The following SS18 variants were observed in gnomAD, a reference collection of about 807,000 sequenced individuals.
The protein encoded by SS18 is protein SSXT.
A neutral mutation model predicts 72.5 loss-of-function variants in SS18; 28 were observed. The observed-to-expected ratio is 0.39, with a 90% CI of 0.29 to 0.53. The LOEUF (loss-of-function observed/expected upper bound fraction) is 0.53, where lower values mean the gene tolerates loss of function less well. Ranked by LOEUF, SS18 falls within the 20% of genes least tolerant of loss-of-function variation. SS18 has a pLI of 0.76. For missense variants in SS18, 518 were observed against 535.3 expected, an observed-to-expected ratio of 0.97 and a Z score of 0.32; for synonymous variants, 172 against 164.2, an observed-to-expected ratio of 1.05 and a Z score of -0.37.
At chr18:26,031,027 T>A (rs188223106) in intron 10 of SS18, among the ~76,000 whole-genome samples, 7 of 152,242 alleles carry the variant, frequency 4.6e-5, no homozygotes, top group Admixed American at 3.9e-4. Flanking sequence ...TACTGCAGTA[T>A]CAAACACATG....
chr18:26,018,008 A>C lies in SS18; in HGVS notation c.*346T>G. 2 of 249,868 alleles carry C rather than the reference A, an allele frequency of 8.0e-6. No individual in the cohort carries two copies. 15.5% of individuals were successfully genotyped at this position (249,868 alleles called of 1,614,324 possible). On this transcript the variant is annotated 3_prime_UTR_variant, in exon 11 of 11. Coordinates refer to ENST00000415083, the MANE Select transcript of SS18 (RefSeq NM_001007559.3). ...CAAAAAAATCTGTGGAAAAGTATTA[A>C]ATTCCCTTACCCTTCATAAACATAC...
intron 4 of SS18, among the ~76,000 whole-genome samples, chr18:26,054,959 G>T (rs868432248): frequency 3.0e-4 from 46 of 151,968 alleles, no homozygotes; most frequent in Middle Eastern, 3.4e-3. Flanking sequence ...GGCTGGTCTT[G>T]AACTCCTGAC....
chr18:26,083,844 T>C (rs928369633), intron 2 of SS18, among the ~76,000 whole-genome samples: 10 of 152,236 alleles, frequency 6.6e-5, no homozygotes, highest in African/African-American at 2.4e-4. Flanking sequence ...ACCAAAGAAG[T>C]AGATCAGCTA....
chr18:26,047,820 GAGTGA>G (rs200325603), intron 5 of SS18, among the ~76,000 whole-genome samples: 37,130 of 151,974 alleles, frequency 0.24, 7,748 homozygotes, highest in African/African-American at 0.56. Flanking sequence ...TCCAGCCTCA[GAGTGA>G]GGCGACAGAG....
intron 3 of SS18, among the ~76,000 whole-genome samples, chr18:26,062,844 C>T (rs891639948): frequency 1.1e-4 from 17 of 152,110 alleles, no homozygotes; most frequent in African/African-American, 3.9e-4. Context: ...AATGTGTATA[C>T]ATCTCACAAC....
chr18:26,052,995 A>G (rs2053950011), intron 4 of SS18, 150 bp from the exon 5 acceptor site: 2 of 650,112 alleles, frequency 3.1e-6, no homozygotes, highest in African/African-American at 1.8e-5. Context: ...AGGAAAAGAC[A>G]GCAAATACTG....
intron 2 of SS18, among the ~76,000 whole-genome samples, chr18:26,081,016 A>G (rs1344711578): frequency 6.7e-6 from 1 of 150,224 alleles, no homozygotes. Context: ...TTTCCCTCGT[A>G]TAAGGAGGTA....
chr18:26,057,623 C>G lies in SS18; in HGVS notation c.351G>C (p.Pro117=). 6.2e-7 allele frequency: 1 copy of G among 1,613,962 alleles called. No homozygotes were observed. The highest frequency in any genetic ancestry group is 8.5e-7 in the Non-Finnish European group (1 of 1,179,966). Residue 117 remains proline, a synonymous_variant, in exon 4 of 11, where the codon CCG becomes CCC. Transcript: ENST00000415083. ...GGCCGTTCATCTGGTTCTGCATGTG[C>G]GGTGCAGGAGGACCCCCACCTACCA... ...DGMVGGGPPA[P]HMQNQMNGQM... is the part of the protein sequence containing the mutation.
intron 2 of SS18, among the ~76,000 whole-genome samples, chr18:26,079,880 C>T (rs1471719217): frequency 6.6e-6 from 1 of 151,980 alleles, no homozygotes; most frequent in African/African-American, 2.4e-5. Context: ...TGTACCCAGC[C>T]GAATCCTAGC....
intron 7 of SS18, among the ~76,000 whole-genome samples, chr18:26,036,868 T>G (rs1002085861): frequency 1.3e-5 from 2 of 152,104 alleles, no homozygotes; most frequent in African/African-American, 4.8e-5. Context: ...TAAATAAAAT[T>G]TTATTGGAAT....
chr18:26,074,620 TATTA>T (rs1393980433), intron 3 of SS18, among the ~76,000 whole-genome samples: 1 of 151,990 alleles, frequency 6.6e-6, no homozygotes, highest in Non-Finnish European at 1.5e-5. Flanking sequence ...GCAATAAGTT[TATTA>T]TTTTTAACAA....
Position 26,035,669 on chromosome 18 carries a change from A to T in SS18, c.973+162T>A, listed in dbSNP as rs568238839. ...ATGGTTATACATTTTAAATATTTGT[A>T]AGGAAATTATTTTGATTGTTTTGGG... On this transcript the variant is annotated intron_variant, in intron 8 of 10. Transcript: ENST00000415083. This position sits in a 1 kb window ranked among gnomAD's most constrained non-coding sequence, Gnocchi z 4.4. 2 of 423,860 alleles carry T rather than the reference A, an allele frequency of 4.7e-6. No homozygotes were observed. Among genetic ancestry groups the T allele is most frequent in the East Asian group, 6.9e-5 (2 of 28,902 alleles). The allele number at this position is 423,860 out of a possible 1,614,324, so 26.3% of individuals were successfully genotyped here.
intron 4 of SS18, among the ~76,000 whole-genome samples, chr18:26,053,853 TCTTA>T (rs1243775774): frequency 6.6e-6 from 1 of 152,178 alleles, no homozygotes; most frequent in Non-Finnish European, 1.5e-5. Context: ...GGAACAGAAA[TCTTA>T]CTTATATTTC....
At chr18:26,048,400 T>A (rs140921712) in intron 5 of SS18, among the ~76,000 whole-genome samples, 1 of 152,174 alleles carries the variant, frequency 6.6e-6, no homozygotes, top group Non-Finnish European at 1.5e-5. Context: ...ACAAAGAATG[T>A]TGCCATTTAA....
chr18:26,035,293 G>A lies in SS18; in HGVS notation c.974-166C>T, dbSNP rs1014083215. ...AACTCAAACCAAACAGAAGGATTTC[G>A]GCCAAACAAACTGCAGTTAAAGCCA... On this transcript the variant is annotated intron_variant, in intron 8 of 10. Coordinates refer to ENST00000415083, the MANE Select transcript of SS18 (RefSeq NM_001007559.3). This position sits in a 1 kb window ranked among gnomAD's most constrained non-coding sequence, Gnocchi z 4.4. 98 of 946,824 alleles carry A rather than the reference G, an allele frequency of 1.0e-4. 1 individual carries two copies. Among genetic ancestry groups the A allele is most frequent in the Non-Finnish European group, 1.3e-4 (90 of 671,246 alleles). 58.7% of individuals were successfully genotyped at this position (946,824 alleles called of 1,614,324 possible). A position where few individuals can be genotyped will look rare whatever the true frequency, so the allele number is the denominator to read the frequency against.
rs2053608061 is a variant in SS18 at position 26,035,229 on chromosome 18, T to C, written c.974-102A>G. On this transcript the variant is annotated intron_variant, in intron 8 of 10. Transcript: ENST00000415083. The surrounding 1 kb of genome is among the most constrained non-coding windows in gnomAD (Gnocchi z 4.4). ...CCAACAACACAAGAACAAAATGAAA[T>C]GCCATATTGATTTTTAGAAGTTAAC... 2 of 1,304,598 alleles carry C rather than the reference T, an allele frequency of 1.5e-6. No individual in the cohort carries two copies. Among genetic ancestry groups the C allele is most frequent in the Non-Finnish European group, 2.1e-6 (2 of 958,630 alleles). The allele number at this position is 1,304,598 out of a possible 1,614,324, so 80.8% of individuals were successfully genotyped here. A position where few individuals can be genotyped will look rare whatever the true frequency, so the allele number is the denominator to read the frequency against.
chr18:26,057,177 GT>G (rs2054036128), intron 4 of SS18, among the ~76,000 whole-genome samples: 1 of 152,088 alleles, frequency 6.6e-6, no homozygotes, highest in South Asian at 2.1e-4. Flanking sequence ...TTCCCCATGT[GT>G]TTTTCCCAGT....
At chr18:26,038,520 T>C (rs371755482) in intron 7 of SS18, 35 bp downstream of exon 7, 31 of 1,555,344 alleles carry the variant, frequency 2.0e-5, no homozygotes, top group South Asian at 1.2e-4. Flanking sequence ...TAGGCAGGGA[T>C]AGAAAATGGG....
Position 26,032,017 on chromosome 18 carries a change from C to T in SS18, c.1230+382G>A, listed in dbSNP as rs114040342. ...TGAGAAGGGATCACGGAGGGGGAAC[C>T]AAATGAATTTATTAACGTTGAACTG... On this transcript the variant is annotated intron_variant, in intron 10 of 10. Coordinates refer to ENST00000415083, the MANE Select transcript of SS18 (RefSeq NM_001007559.3). Among the ~76,000 whole-genome samples the T allele has an allele frequency of 7.3e-3, 1,111 of 152,100 alleles. 9 individuals carry two copies. The highest frequency in any genetic ancestry group is 0.025 in the African/African-American group (1,017 of 41,482).
Sources: gnomAD v4.1 joint callset for allele counts (sites outside exome capture counted in the v4.1 genomes callset) on GRCh38, gnomAD v4.1.1 for gene constraint, Gnocchi (gnomAD v3.1) non-coding constraint, MANE v1.5 for transcripts, NCBI Gene and HGNC (gene_info 2026-07-23, HGNC 2026-07-21) for gene names.